The following PRKN variants were observed in gnomAD, a reference collection of about 807,000 sequenced individuals.
The protein encoded by PRKN is E3 ubiquitin-protein ligase parkin.
Under a neutral mutation model 59.5 loss-of-function variants are expected in PRKN, and 56 were observed. The ratio of observed to expected loss-of-function variants is 0.94; its 90% confidence interval spans 0.76 to 1.18. The LOEUF is 1.18. PRKN is among the 50% of genes most tolerant of loss of function. The pLI is 0.00. For missense variants in PRKN, 657 were observed against 596.4 expected (o/e 1.10, Z -1.06); for synonymous variants, 250 against 222.1 (o/e 1.13, Z -1.12).
chr6:162,417,267 C>T (rs901264166), intron 2 of PRKN, among the ~76,000 whole-genome samples: 1 of 152,180 alleles, frequency 6.6e-6, no homozygotes, highest in Non-Finnish European at 1.5e-5. Flanking sequence ...AATTCTAAAT[C>T]AAAGCCAGGA....
At chr6:162,264,944 CTT>C (rs145466692) in intron 2 of PRKN, among the ~76,000 whole-genome samples, 9,270 of 152,196 alleles carry the variant, frequency 0.061, 385 homozygotes, top group Middle Eastern at 0.13. Flanking sequence ...ATCTTCAACT[CTT>C]TTACATCTCA....
intron 7 of PRKN, among the ~76,000 whole-genome samples, chr6:161,702,309 G>T (rs1390809962): frequency 6.6e-6 from 1 of 152,170 alleles, no homozygotes. Context: ...ACTGATGAAT[G>T]ACTGGATCTG....
At chr6:162,392,752 C>A (rs1316362531) in intron 2 of PRKN, among the ~76,000 whole-genome samples, 2 of 152,128 alleles carry the variant, frequency 1.3e-5, no homozygotes, top group African/African-American at 2.4e-5. Flanking sequence ...AAGTAATTTT[C>A]TACATTTTTA....
intron 4 of PRKN, among the ~76,000 whole-genome samples, chr6:162,120,449 G>A (rs1332773362): frequency 6.6e-6 from 1 of 152,194 alleles, no homozygotes; most frequent in Non-Finnish European, 1.5e-5. Context: ...ACAACCATGA[G>A]CTGGAGTAAG....
At chr6:162,143,843 G>T (rs1781888432) in intron 4 of PRKN, among the ~76,000 whole-genome samples, 1 of 152,150 alleles carries the variant, frequency 6.6e-6, no homozygotes, top group Admixed American at 6.6e-5. Flanking sequence ...GCGACGGGCT[G>T]CAGCCATTCC....
intron 1 of PRKN, among the ~76,000 whole-genome samples, chr6:162,465,322 A>G (rs545569466): frequency 2.0e-5 from 3 of 152,252 alleles, no homozygotes; most frequent in Admixed American, 6.5e-5. Flanking sequence ...ATTTTCCTTC[A>G]ATTTTAGAAC....
chr6:162,298,916 G>A (rs895240825), intron 2 of PRKN, among the ~76,000 whole-genome samples: 91 of 152,104 alleles, frequency 6.0e-4, no homozygotes, highest in Non-Finnish European at 8.4e-4. Flanking sequence ...CTTGATGTGG[G>A]AGCAGAAGAG....
At chr6:162,590,396 C>T (rs1781253827) in intron 1 of PRKN, among the ~76,000 whole-genome samples, 1 of 152,114 alleles carries the variant, frequency 6.6e-6, no homozygotes, top group East Asian at 1.9e-4. Context: ...AAGTAATGAC[C>T]TTAATTCCAA....
intron 2 of PRKN, among the ~76,000 whole-genome samples, chr6:162,288,428 G>A (rs1158751897): frequency 6.6e-6 from 1 of 152,116 alleles, no homozygotes; most frequent in Non-Finnish European, 1.5e-5. Context: ...CGTCAAGTCT[G>A]TAATCGGCTG....
chr6:162,231,243 A>C (rs998931950), intron 3 of PRKN, among the ~76,000 whole-genome samples: 2 of 152,190 alleles, frequency 1.3e-5, no homozygotes, highest in Non-Finnish European at 2.9e-5. Context: ...ATCACCCTCC[A>C]TGTAAACTGA....
chr6:161,794,635 C>G (rs1434229838), intron 6 of PRKN, among the ~76,000 whole-genome samples: 2 of 152,094 alleles, frequency 1.3e-5, no homozygotes, highest in African/African-American at 4.8e-5. Context: ...GAATGTCTTT[C>G]CCTCTTTCCC....
At chr6:162,351,230 T>C (rs969091146) in intron 2 of PRKN, among the ~76,000 whole-genome samples, 1 of 151,418 alleles carries the variant, frequency 6.6e-6, no homozygotes, top group African/African-American at 2.4e-5. Context: ...CAATAAAAAG[T>C]GGAAAATGAA....
In PRKN at chr6:162,432,698, G is replaced by GAA. The variant is rs1173925617; in HGVS notation, c.171+10611_171+10612insTT. Among the ~76,000 whole-genome samples the GAA allele has an allele frequency of 1.7e-3, 257 of 152,238 alleles. 2 individuals are homozygous for GAA. Among genetic ancestry groups the GAA allele is most frequent in the African/African-American group, 6.0e-3 (249 of 41,530 alleles). On this transcript the variant is annotated intron_variant, in intron 2 of 11. Transcript: ENST00000366898. The stretch of plus-strand genomic sequence containing the variant: ...TTCATTCTGCTTATCAATTACAGAG[G>GAA]CAAAAATATAACTATTTAAGTGGGT...
chr6:161,962,437 C>G (rs2128248839), intron 6 of PRKN, among the ~76,000 whole-genome samples: 1 of 151,680 alleles, frequency 6.6e-6, no homozygotes, highest in East Asian at 1.9e-4. Flanking sequence ...GTTATTTAAA[C>G]ACTGTGGGTA....
At chr6:161,382,037 G>A (rs761057031) in intron 10 of PRKN, among the ~76,000 whole-genome samples, 4 of 148,710 alleles carry the variant, frequency 2.7e-5, no homozygotes, top group Non-Finnish European at 4.5e-5. Context: ...GCGTGAACCC[G>A]GGAGGCAGAG....
At chr6:162,706,031 T>A (rs1027795658) in intron 1 of PRKN, among the ~76,000 whole-genome samples, 1 of 151,858 alleles carries the variant, frequency 6.6e-6, no homozygotes, top group Non-Finnish European at 1.5e-5. Flanking sequence ...CAGCTCACAA[T>A]CTCTTGCTAT....
chr6:161,952,655 T>C (rs1009192716), intron 6 of PRKN, among the ~76,000 whole-genome samples: 2 of 152,028 alleles, frequency 1.3e-5, no homozygotes, highest in Non-Finnish European at 2.9e-5. Context: ...AAAATTACAG[T>C]AGTAAAACTA....
intron 2 of PRKN, among the ~76,000 whole-genome samples, chr6:162,303,182 G>C (rs1782044972): frequency 6.6e-6 from 1 of 152,082 alleles, no homozygotes; most frequent in Non-Finnish European, 1.5e-5. Flanking sequence ...TGAAAATCTA[G>C]CAGCATTTAC....
chr6:161,460,837 A>G lies in PRKN; in HGVS notation c.1084-73960T>C, dbSNP rs1217088265. 6.7e-6 allele frequency among the ~76,000 whole-genome samples: 1 copy of G among 149,238 alleles called. No individual in the cohort carries two copies. The highest frequency in any genetic ancestry group is 2.0e-4 in the East Asian group (1 of 5,086). Reference sequence around the variant, plus strand: ...CAATCTCGGCCCACTGCAATCTCAGACTCCCTGGTTCAAGCAATTCTCCTG... The same window carrying G: ...CAATCTCGGCCCACTGCAATCTCAGGCTCCCTGGTTCAAGCAATTCTCCTG... On this transcript the variant is annotated intron_variant, in intron 9 of 11. Coordinates refer to ENST00000366898, the MANE Select transcript of PRKN (RefSeq NM_004562.3). The surrounding 1 kb of genome is among the most constrained non-coding windows in gnomAD (Gnocchi z 5.0).
Sources: allele counts gnomAD v4.1 joint callset (sites outside exome capture counted in the v4.1 genomes callset), GRCh38; gene constraint gnomAD v4.1.1; non-coding constraint Gnocchi (gnomAD v3.1); transcripts MANE v1.5; gene names NCBI Gene and HGNC (gene_info 2026-07-23, HGNC 2026-07-21).